Variants in SOBP observed in about 807,000 individuals in gnomAD.
SOBP encodes sine oculis-binding protein homolog.
In SOBP, 4 loss-of-function variants were observed where a neutral mutation model predicts 53.6. The observed-to-expected ratio is 0.07, with a 90% CI of 0.04 to 0.17. The LOEUF is 0.17. SOBP is among the 10% of genes least tolerant of loss of function. The pLI, the probability that SOBP is intolerant of heterozygous loss-of-function variation, is 1.00. For synonymous variants in SOBP, 584 were observed against 522.6 expected, an observed-to-expected ratio of 1.12 and a Z score of -1.60; for missense variants, 1,088 against 1,204.7, an observed-to-expected ratio of 0.90 and a Z score of 1.43.
At chr6:107,605,230 G>A (rs527915484) in intron 5 of SOBP, among the ~76,000 whole-genome samples, 32 of 152,256 alleles carry the variant, frequency 2.1e-4, no homozygotes, top group African/African-American at 7.7e-4. Flanking sequence ...AGTCCCAGTG[G>A]GAATAGAGCA....
intron 5 of SOBP, among the ~76,000 whole-genome samples, chr6:107,598,637 A>G (rs948991313): frequency 1.3e-5 from 2 of 152,188 alleles, no homozygotes; most frequent in Admixed American, 6.5e-5. Flanking sequence ...TACCTGAGCC[A>G]GGAAGTACTG....
At chr6:107,525,029 A>T (rs1055940062) in intron 3 of SOBP, among the ~76,000 whole-genome samples, 3 of 152,188 alleles carry the variant, frequency 2.0e-5, no homozygotes, top group African/African-American at 7.2e-5. Flanking sequence ...GCTATTTTCC[A>T]TTCATATTTA....
At chr6:107,584,145 C>T (rs895886846) in intron 4 of SOBP, among the ~76,000 whole-genome samples, 3 of 151,918 alleles carry the variant, frequency 2.0e-5, no homozygotes, top group Admixed American at 6.6e-5. Context: ...CAGTTCTCGC[C>T]CTTCTTTGGT....
At chr6:107,535,015 A>G (rs1387568822) in intron 4 of SOBP, among the ~76,000 whole-genome samples, 1 of 152,180 alleles carries the variant, frequency 6.6e-6, no homozygotes, top group Non-Finnish European at 1.5e-5. Flanking sequence ...ACTTACCACA[A>G]CAAAATACTT....
intron 3 of SOBP, 141 bp downstream of exon 3, chr6:107,506,568 C>A: frequency 1.1e-6 from 1 of 872,260 alleles, no homozygotes; most frequent in Non-Finnish European, 1.8e-6. Flanking sequence ...TTAATACAGG[C>A]ATCACTTAGA....
chr6:107,492,887 CA>C (rs1782612715), intron 1 of SOBP, among the ~76,000 whole-genome samples: 1 of 152,008 alleles, frequency 6.6e-6, no homozygotes, highest in African/African-American at 2.4e-5. Context: ...TACCCCTAAC[CA>C]AAAATTTTAG....
chr6:107,531,608 T>TTTTA (rs150394981), intron 3 of SOBP, among the ~76,000 whole-genome samples: 1 of 152,112 alleles, frequency 6.6e-6, no homozygotes, highest in African/African-American at 2.4e-5. Flanking sequence ...AAAAGCTTGC[T>TTTTA]TTTATTTATT....
intron 4 of SOBP, among the ~76,000 whole-genome samples, chr6:107,534,565 A>G (rs1395146094): frequency 6.6e-6 from 1 of 152,218 alleles, no homozygotes; most frequent in African/African-American, 2.4e-5. Context: ...CAAAAGTGTG[A>G]TATTTGCAAT....
intron 3 of SOBP, among the ~76,000 whole-genome samples, chr6:107,509,002 A>G (rs945171641): frequency 3.3e-5 from 5 of 152,212 alleles, no homozygotes; most frequent in South Asian, 4.1e-4. Flanking sequence ...CCCTGTGAAC[A>G]TGGACAAGTT....
At position 107,503,724 on chromosome 6, in the gene SOBP, A is replaced by T. The variant is rs1782902599; in HGVS notation, c.164A>T (p.Asp55Val). 1.2e-6 allele frequency: 2 copies of T among 1,614,196 alleles called. No individual in the cohort carries two copies. Among genetic ancestry groups the T allele is most frequent in the Middle Eastern group, 1.6e-4 (1 of 6,062 alleles). ...WYGYDKVELKDGEDIEFRSYP... is the reference protein window; with the variant it reads ...WYGYDKVELKVGEDIEFRSYP... ...GGCTATGATAAGGTTGAATTAAAAG[A>T]TGGTGAGGATATTGAATTCAGGAGC... The change falls in exon 2 of 7, where the codon GAT becomes GTT. Residue 55 changes from aspartate to valine, a missense_variant. Asp to Val is a radical substitution (Grantham distance 152). Around this residue, in one of 6 missense-constraint regions of SOBP, gnomAD observed 112 missense variants for 117.9 expected, o/e 0.95. Transcript: ENST00000317357.
At chr6:107,657,876 C>T (rs1772133875) in intron 6 of SOBP, among the ~76,000 whole-genome samples, 1 of 151,096 alleles carries the variant, frequency 6.6e-6, no homozygotes, top group Admixed American at 6.6e-5. Context: ...GTTAAGCATG[C>T]AGTCATGTGG....
intron 5 of SOBP, among the ~76,000 whole-genome samples, chr6:107,626,798 C>CTTTTTTTTTTTTTTTTTTTTTTTTTTTTT (rs1320612737): frequency 1.3e-5 from 2 of 150,240 alleles, no homozygotes; most frequent in Admixed American, 6.6e-5. Flanking sequence ...TCCCAGTTTC[C>CTTTTTTTTTTTTTTTTTTTTTTTTTTTTT]TTTCTTTCTC....
chr6:107,525,405 A>G (rs1191654342), intron 3 of SOBP, among the ~76,000 whole-genome samples: 1 of 152,196 alleles, frequency 6.6e-6, no homozygotes, highest in Non-Finnish European at 1.5e-5. Flanking sequence ...ACAGAATTAC[A>G]ATTTTGTGAC....
In SOBP at chr6:107,634,992, G is replaced by A. The variant is rs1344552799; in HGVS notation, c.2148G>A (p.Ala716=). ...CGGGCGCCCCGGCGGGCCCCGAGGCGGCCGCGGCCTGCAACGTCATCGTGA... is the reference window on the plus strand; with the variant it reads ...CGGGCGCCCCGGCGGGCCCCGAGGCAGCCGCGGCCTGCAACGTCATCGTGA... ...PGPGAPAGPE[A]AAACNVIVNG... The change falls in exon 6 of 7, where the codon GCG becomes GCA. Residue 716 remains alanine, a synonymous_variant. Transcript: ENST00000317357. This position sits in a 1 kb window ranked among gnomAD's most constrained non-coding sequence, Gnocchi z 4.5. The A allele has an allele frequency of 1.9e-6, 2 of 1,067,376 alleles. No homozygotes were observed. Among genetic ancestry groups the A allele is most frequent in the African/African-American group, 1.7e-5 (1 of 58,476 alleles). 66.1% of individuals were successfully genotyped at this position (1,067,376 alleles called of 1,614,324 possible). A position where few individuals can be genotyped will look rare whatever the true frequency, so the allele number is the denominator to read the frequency against.
At chr6:107,531,092 C>T (rs560473887) in intron 3 of SOBP, among the ~76,000 whole-genome samples, 102 of 152,356 alleles carry the variant, frequency 6.7e-4, no homozygotes, top group African/African-American at 2.4e-3. Flanking sequence ...AATAGCTTTG[C>T]ACTCTATTCT....
intron 4 of SOBP, among the ~76,000 whole-genome samples, chr6:107,553,367 C>T (rs9486645): frequency 0.016 from 2,375 of 151,486 alleles, 54 homozygotes; most frequent in African/African-American, 0.054. Flanking sequence ...CTCACTGTGT[C>T]GCCCAGGCCT....
rs1200077508 is a variant in SOBP at position 107,634,620 on chromosome 6, C to G, written c.1776C>G (p.Ser592=). 4.4e-6 allele frequency: 7 copies of G among 1,593,112 alleles called. No homozygotes were observed. The highest frequency in any genetic ancestry group is 5.1e-6 in the Non-Finnish European group (6 of 1,175,856). ...LSPRDSKQGS[S]KSADSPPGCS... The stretch of plus-strand genomic sequence containing the variant: ...CCCGGGACTCCAAGCAGGGCTCGTC[C>G]AAGTCCGCGGACTCGCCCCCCGGCT... Residue 592 remains serine (S), a synonymous_variant, in exon 6 of 7, where the codon TCC becomes TCG. Transcript: ENST00000317357. This position sits in a 1 kb window ranked among gnomAD's most constrained non-coding sequence, Gnocchi z 4.5.
At chr6:107,579,662 T>C (rs1785343381) in intron 4 of SOBP, among the ~76,000 whole-genome samples, 1 of 152,144 alleles carries the variant, frequency 6.6e-6, no homozygotes, top group Non-Finnish European at 1.5e-5. Context: ...CTCACATGCG[T>C]GCGGCTCTGA....
At chr6:107,639,540 G>T (rs1771215275) in intron 6 of SOBP, among the ~76,000 whole-genome samples, 1 of 152,126 alleles carries the variant, frequency 6.6e-6, no homozygotes, top group South Asian at 2.1e-4. Context: ...TGCAGCTTCT[G>T]TAAGCTGGAA....
Sources: allele counts gnomAD v4.1 joint callset (sites outside exome capture counted in the v4.1 genomes callset), GRCh38; gene constraint gnomAD v4.1.1; regional missense constraint gnomAD v4.1.1; non-coding constraint Gnocchi (gnomAD v3.1); transcripts MANE v1.5; gene names NCBI Gene and HGNC (gene_info 2026-07-23, HGNC 2026-07-21).